The following SEC14L5 variants were observed in gnomAD, a reference collection of about 807,000 sequenced individuals.
SEC14L5 encodes the protein SEC14 like lipid binding 5.
In SEC14L5, 96 loss-of-function variants were observed where a neutral mutation model predicts 84.6. The observed-to-expected ratio is 1.13, with a 90% CI of 0.96 to 1.34. SEC14L5 has a LOEUF of 1.34. Ranked by LOEUF, SEC14L5 falls within the 40% of genes most tolerant of loss-of-function variation. SEC14L5 has a pLI of 0.00. For synonymous variants in SEC14L5, 546 were observed against 383.4 expected (o/e 1.42, Z -4.95); for missense variants, 1,224 against 942.5 (o/e 1.30, Z -3.91).
intron 8 of SEC14L5, among the ~76,000 whole-genome samples, chr16:5,000,117 C>A (rs1443272110): frequency 6.6e-6 from 1 of 151,908 alleles, no homozygotes; most frequent in Non-Finnish European, 1.5e-5. Flanking sequence ...ATGGTGAAAC[C>A]CCATTTCTAC....
At chr16:4,973,996 A>T (rs1014916311) in intron 2 of SEC14L5, among the ~76,000 whole-genome samples, 7 of 151,240 alleles carry the variant, frequency 4.6e-5, no homozygotes, top group Non-Finnish European at 8.9e-5. Flanking sequence ...ATATGACTTC[A>T]TTTCTTGGAA....
chr16:4,970,339 G>A (rs911580124), intron 2 of SEC14L5, among the ~76,000 whole-genome samples: 1 of 152,130 alleles, frequency 6.6e-6, no homozygotes, highest in African/African-American at 2.4e-5. Flanking sequence ...ATGTTAAGCA[G>A]GGTTTAGCCT....
rs1955871666 is a variant in SEC14L5 at position 5,016,021 on chromosome 16, C to T, written c.*1051C>T. On this transcript the variant is annotated 3_prime_UTR_variant, in exon 16 of 16. Coordinates refer to ENST00000251170, the MANE Select transcript of SEC14L5 (RefSeq NM_014692.2). ...GTTTTTGGTTGTAAGCCACAGAGAC[C>T]CATGCCCAGGTGCTTCAACACAAAA... 1 of 152,156 alleles carries T rather than the reference C, an allele frequency of 6.6e-6. No homozygotes were observed. Among genetic ancestry groups the T allele is most frequent in the African/African-American group, 2.4e-5 (1 of 41,408 alleles). The allele number at this position is 152,156 out of a possible 1,614,324, so 9.4% of individuals were successfully genotyped here.
intron 14 of SEC14L5, among the ~76,000 whole-genome samples, chr16:5,010,431 C>G (rs1206810739): frequency 6.6e-6 from 1 of 152,142 alleles, no homozygotes; most frequent in African/African-American, 2.4e-5. Context: ...TGAGCTGCCC[C>G]TGTTGATCCC....
Position 5,005,894 on chromosome 16 carries a change from G to A in SEC14L5, c.1303-20G>A, listed in dbSNP as rs1237930525. 1 of 1,319,238 alleles carries A rather than the reference G, an allele frequency of 7.6e-7. No individual in the cohort carries two copies. The highest frequency in any genetic ancestry group is 1.5e-5 in the African/African-American group (1 of 65,464). 81.7% of individuals were successfully genotyped at this position (1,319,238 alleles called of 1,614,324 possible). A position where few individuals can be genotyped will look rare whatever the true frequency, so the allele number is the denominator to read the frequency against. On this transcript the variant is annotated intron_variant, in intron 11 of 15. Transcript: ENST00000251170. The stretch of plus-strand genomic sequence containing the variant: ...AAAAAAAAAAAAAACCATCCATCTT[G>A]CCTTATGTCCTGGTTTCAGATCAGC...
chr16:4,961,982 C>T (rs1596610092), intron 2 of SEC14L5, among the ~76,000 whole-genome samples: 1 of 151,918 alleles, frequency 6.6e-6, no homozygotes, highest in Admixed American at 6.6e-5. Flanking sequence ...GCGAGGCAAA[C>T]AGACACACAC....
intron 2 of SEC14L5, among the ~76,000 whole-genome samples, chr16:4,977,530 A>G (rs1240766227): frequency 6.6e-6 from 1 of 151,426 alleles, no homozygotes; most frequent in Non-Finnish European, 1.5e-5. Context: ...GCTGAATTAA[A>G]TGCCTACCAA....
chr16:4,969,145 C>G (rs921839278), intron 2 of SEC14L5, among the ~76,000 whole-genome samples: 8 of 152,238 alleles, frequency 5.3e-5, no homozygotes, highest in African/African-American at 1.9e-4. Flanking sequence ...CTGATTTGCG[C>G]TGGGAGAACA....
At chr16:5,003,939 A>G (rs1009762207) in intron 11 of SEC14L5, among the ~76,000 whole-genome samples, 1 of 152,198 alleles carries the variant, frequency 6.6e-6, no homozygotes, top group Non-Finnish European at 1.5e-5. Flanking sequence ...AATATACTCT[A>G]TATTGTAACC....
At chr16:4,992,082 C>T in intron 6 of SEC14L5, 52 bp downstream of exon 6, 1 of 1,276,172 alleles carries the variant, frequency 7.8e-7, no homozygotes, top group Non-Finnish European at 1.1e-6. Flanking sequence ...TGCAGGTCCT[C>T]TTGCTCCATG....
chr16:4,958,520 C>T (rs1225215599), intron 1 of SEC14L5, 75 bp downstream of exon 1: 1 of 152,902 alleles, frequency 6.5e-6, no homozygotes, highest in Non-Finnish European at 1.5e-5. Context: ...GGGCACTTCC[C>T]CTAGGCTGCA....
intron 8 of SEC14L5, among the ~76,000 whole-genome samples, chr16:4,998,960 A>C (rs1225423664): frequency 6.6e-6 from 1 of 152,198 alleles, no homozygotes; most frequent in Admixed American, 6.5e-5. Flanking sequence ...ACATATTCAG[A>C]GTGGCGAAGT....
chr16:4,986,422 G>A (rs1303783705), intron 2 of SEC14L5, among the ~76,000 whole-genome samples: 1 of 152,296 alleles, frequency 6.6e-6, no homozygotes, highest in African/African-American at 2.4e-5. Flanking sequence ...TTGTATGCGT[G>A]AGCCACCACA....
chr16:4,990,173 T>G (rs573005021), intron 4 of SEC14L5, among the ~76,000 whole-genome samples: 1 of 152,124 alleles, frequency 6.6e-6, no homozygotes, highest in East Asian at 1.9e-4. Context: ...TTTATTATTT[T>G]TTTTTTGGAG....
At chr16:4,985,605 A>G (rs1955477373) in intron 2 of SEC14L5, among the ~76,000 whole-genome samples, 1 of 152,104 alleles carries the variant, frequency 6.6e-6, no homozygotes, top group African/African-American at 2.4e-5. Context: ...TTCTCATCAG[A>G]TTGTCTTGAC....
intron 2 of SEC14L5, among the ~76,000 whole-genome samples, chr16:4,978,484 T>C (rs2142492011): frequency 1.4e-5 from 2 of 143,018 alleles, no homozygotes; most frequent in East Asian, 4.2e-4. Flanking sequence ...AGTGGCATAA[T>C]CATAGCTCAT....
At chr16:4,982,576 C>T (rs545308613) in intron 2 of SEC14L5, among the ~76,000 whole-genome samples, 2 of 152,298 alleles carry the variant, frequency 1.3e-5, no homozygotes, top group Admixed American at 1.3e-4. Context: ...TGGGGCTGAC[C>T]TGAATTGGCT....
At chr16:5,003,623 G>GCC in intron 11 of SEC14L5, 50 bp downstream of exon 11, 1 of 404,778 alleles carries the variant, frequency 2.5e-6, no homozygotes, top group Non-Finnish European at 4.9e-6. Flanking sequence ...GGGTGGGATG[G>GCC]GAGGGGTTCC....
chr16:5,013,143 C>G (rs769025346), intron 15 of SEC14L5, among the ~76,000 whole-genome samples: 1 of 152,098 alleles, frequency 6.6e-6, no homozygotes, highest in Admixed American at 6.5e-5. Flanking sequence ...CCAATCACCT[C>G]CCACCAGATC....
Sources: gnomAD v4.1 joint callset for allele counts (sites outside exome capture counted in the v4.1 genomes callset) on GRCh38, gnomAD v4.1.1 for gene constraint, MANE v1.5 for transcripts, NCBI Gene and HGNC (gene_info 2026-07-23, HGNC 2026-07-21) for gene names.